ZNF433: variants seen among roughly 807,000 people sequenced by gnomAD.
ZNF433 encodes zinc finger protein 433.
In ZNF433, 12 loss-of-function variants were observed where a neutral mutation model predicts 10.6. The observed-to-expected ratio is 1.13, with a 90% confidence interval of 0.72 to 1.83. The LOEUF is 1.83. Among genes scored for constraint, ZNF433 ranks in the 40% most tolerant of loss-of-function variants. The pLI, the probability that ZNF433 is intolerant of heterozygous loss-of-function variation, is 0.00. For synonymous variants in ZNF433, 272 were observed against 271.3 expected (o/e 1.00, Z -0.02); for missense variants, 737 against 798.0 (o/e 0.92, Z 0.92).
In ZNF433 at chr19:12,016,350, C is replaced by G. The variant is rs1568330023; in HGVS notation, c.508G>C (p.Glu170Gln). 1 of 1,614,200 alleles carries G rather than the reference C, an allele frequency of 6.2e-7. No homozygotes were observed. Among genetic ancestry groups the G allele is most frequent in the South Asian group, 1.1e-5 (1 of 91,088 alleles). ...GAAATAAATGTTTTTCCGCATTCCT[C>G]ACAAACATAGAGTTTCCTTCCACTA... Reference protein sequence around the residue: ...AHSGRKLYVCEECGKTFISHS... With the variant: ...AHSGRKLYVCQECGKTFISHS... Residue 170 changes from glutamate to glutamine, a missense_variant, in exon 4 of 4, where the codon GAG becomes CAG. Glu to Gln is a conservative substitution (Grantham distance 29). Transcript: ENST00000550507.
In ZNF433 at chr19:12,016,250, G is replaced by C. The variant is rs544069425; in HGVS notation, c.608C>G (p.Ala203Gly). ...GPYKCKFCGK[A>G]LMFLSLYLIH... is the part of the protein sequence containing the mutation. ...AAGATACAAACTGAGAAACATCAAG[G>C]CTTTCCCACAAAATTTACACTTATA... is the stretch of plus-strand genomic sequence containing the variant. The change falls in exon 4 of 4, where the codon GCC becomes GGC. Residue 203 changes from alanine (A) to glycine (G), a missense_variant. Coordinates refer to ENST00000550507, the MANE Select transcript of ZNF433 (RefSeq NM_001308348.2). 11 of 1,614,146 alleles carry C rather than the reference G, an allele frequency of 6.8e-6. No individual in the cohort carries two copies. The Admixed American group carries it at 1.2e-4, about 17-fold the overall frequency.
chr19:12,028,582 C>CT lies in ZNF433; in HGVS notation c.3+6954dup, dbSNP rs1299996524. Among the ~76,000 whole-genome samples the CT allele has an allele frequency of 2.6e-5, 4 of 152,338 alleles. 1 individual carries two copies. The highest frequency in any genetic ancestry group is 9.6e-5 in the African/African-American group (4 of 41,580). ...GAGTGGAAACTCTGTGCAGAAATAA[C>CT]TATCAGTGCACATGGAAATACCAGC... On this transcript the variant is annotated intron_variant, in intron 1 of 3. Coordinates refer to ENST00000550507, the MANE Select transcript of ZNF433 (RefSeq NM_001308348.2).
chr19:12,025,375 C>T (rs1974685880), intron 1 of ZNF433: 1 of 152,232 alleles, frequency 6.6e-6, no homozygotes, highest in African/African-American at 2.4e-5. Context: ...CACACTAGGG[C>T]TCATACACCT....
intron 1 of ZNF433, among the ~76,000 whole-genome samples, chr19:12,020,473 AT>A (rs1379149508): frequency 1.1e-4 from 16 of 152,218 alleles, no homozygotes; most frequent in African/African-American, 3.9e-4. Flanking sequence ...AAATATAGCC[AT>A]TTATTAAAGT....
At position 12,016,171 on chromosome 19, in the gene ZNF433, A is replaced by G; in HGVS notation, c.687T>C (p.Gly229=). ...GEKPYQCKQC[G]KAFSHSSSLR... is the part of the protein sequence containing the mutation. ...GGCTACTAGAATGACTAAAGGCTTT[A>G]CCACACTGTTTACATTGATATGGTT... Residue 229 remains glycine, a synonymous_variant, in exon 4 of 4, where the codon GGT becomes GGC. Coordinates refer to ENST00000550507, the MANE Select transcript of ZNF433 (RefSeq NM_001308348.2). The G allele has an allele frequency of 1.2e-6, 2 of 1,613,950 alleles. No homozygotes were observed. Among genetic ancestry groups the G allele is most frequent in the Non-Finnish European group, 1.7e-6 (2 of 1,179,964 alleles).
At chr19:12,030,165 G>T in intron 1 of ZNF433, 2 of 447,600 alleles carry the variant, frequency 4.5e-6, no homozygotes, top group Non-Finnish European at 8.9e-6. Flanking sequence ...TCAGCACCTT[G>T]AACATGGACT....
chr19:12,031,270 T>C (rs1975003441), intron 1 of ZNF433, among the ~76,000 whole-genome samples: 1 of 143,992 alleles, frequency 6.9e-6, no homozygotes, highest in African/African-American at 2.6e-5. Flanking sequence ...CACTCCAGCT[T>C]GTTGATAGAG....
At chr19:12,021,999 A>C (rs1974519196) in intron 1 of ZNF433, 1 of 456,190 alleles carries the variant, frequency 2.2e-6, no homozygotes, top group Admixed American at 2.4e-5. Context: ...TGTGATAGAG[A>C]CTTAGGTGTT....
chr19:12,019,457 A>C (rs1344034836), intron 1 of ZNF433, among the ~76,000 whole-genome samples: 1 of 152,130 alleles, frequency 6.6e-6, no homozygotes, highest in Non-Finnish European at 1.5e-5. Context: ...ACCATCAACA[A>C]AGGGAAAAGG....
Position 12,015,907 on chromosome 19 carries a change from C to T in ZNF433, c.951G>A (p.Lys317=), listed in dbSNP as rs759779056. ...CATGTCTGCGAACAGAACTGGGACA[C>T]TTGAATGCTTTTCCACATTCCTTAC... ...YECKECGKAF[K]CPSSVRRHER... is the part of the protein sequence containing the mutation. The change falls in exon 4 of 4, where the codon AAG becomes AAA. Residue 317 remains lysine, a synonymous_variant. Coordinates refer to ENST00000550507, the MANE Select transcript of ZNF433 (RefSeq NM_001308348.2). 4 of 1,613,162 alleles carry T rather than the reference C, an allele frequency of 2.5e-6. No homozygotes were observed. Among genetic ancestry groups the T allele is most frequent in the Admixed American group, 3.3e-5 (2 of 59,936 alleles).
intron 1 of ZNF433, among the ~76,000 whole-genome samples, chr19:12,020,329 G>A (rs157187): frequency 0.068 from 10,295 of 151,992 alleles, 1,239 homozygotes; most frequent in African/African-American, 0.24. Context: ...GCAATACATA[G>A]AAATGACCAA....
intron 1 of ZNF433, among the ~76,000 whole-genome samples, chr19:12,028,825 G>A (rs1255437969): frequency 1.3e-5 from 2 of 152,128 alleles, no homozygotes; most frequent in Non-Finnish European, 2.9e-5. Flanking sequence ...CTGAGTAGAT[G>A]ATAATACAGG....
At chr19:12,018,843 C>T (rs186554722) in intron 1 of ZNF433, among the ~76,000 whole-genome samples, 1 of 151,824 alleles carries the variant, frequency 6.6e-6, no homozygotes, top group African/African-American at 2.4e-5. Context: ...CTCATGAGCT[C>T]ATGCCACTGC....
intron 1 of ZNF433, among the ~76,000 whole-genome samples, chr19:12,029,475 T>A (rs1479243487): frequency 2.4e-5 from 3 of 126,276 alleles, no homozygotes; most frequent in African/African-American, 9.3e-5. Flanking sequence ...TGAGCTGAGA[T>A]TGCACCACTG....
chr19:12,026,096 A>G (rs963762469), intron 1 of ZNF433: 1 of 153,278 alleles, frequency 6.5e-6, no homozygotes, highest in African/African-American at 2.4e-5. Context: ...CAAAGACAGA[A>G]GCAGAACAAC....
chr19:12,033,638 C>A (rs1037663472), intron 1 of ZNF433, among the ~76,000 whole-genome samples: 1 of 152,028 alleles, frequency 6.6e-6, no homozygotes, highest in Admixed American at 6.6e-5. Context: ...CTGGCTAACA[C>A]AGTGAAACCC....
Position 12,015,321 on chromosome 19 carries a change from T to G in ZNF433, c.1537A>C (p.Asn513His). 4 of 1,613,310 alleles carry G rather than the reference T, an allele frequency of 2.5e-6. No homozygotes were observed. Among genetic ancestry groups the G allele is most frequent in the Non-Finnish European group, 3.4e-6 (4 of 1,179,824 alleles). ...YECKQCGRSFNCSSSFRYHGR... is the reference protein window; with the variant it reads ...YECKQCGRSFHCSSSFRYHGR... ...TGATATCGAAAGGAGCTCGAACAGTTGAAGGATCTGCCACACTGCTTGCAT... is the reference window on the plus strand; with the variant it reads ...TGATATCGAAAGGAGCTCGAACAGTGGAAGGATCTGCCACACTGCTTGCAT... Residue 513 changes from asparagine (N) to histidine (H), a missense_variant, in exon 4 of 4, where the codon AAC becomes CAC. Transcript: ENST00000550507.
chr19:12,034,930 C>A, intron 1 of ZNF433: 1 of 453,990 alleles, frequency 2.2e-6, no homozygotes, highest in South Asian at 1.6e-5. Context: ...TTCAGGCCTC[C>A]TGGGGTTGTG....
chr19:12,015,082 A>C lies in ZNF433; in HGVS notation c.1776T>G (p.Cys592Trp). The C allele has an allele frequency of 6.2e-7, 1 of 1,614,044 alleles. No homozygotes were observed. Among genetic ancestry groups the C allele is most frequent in the Non-Finnish European group, 8.5e-7 (1 of 1,179,968 alleles). The change falls in exon 4 of 4, where the codon TGT becomes TGG. Residue 592 changes from cysteine to tryptophan, a missense_variant. By Grantham distance (215) the Cys-to-Trp change is radical (BLOSUM62 -2). Coordinates refer to ENST00000550507, the MANE Select transcript of ZNF433 (RefSeq NM_001308348.2). ...TGEKPYECKQ[C>W]GKSFGCASRL... ...GCGAGGCACATCCAAAAGACTTCCC[A>C]CACTGCTTACATTCATAGGGTTTCT...
Sources: gnomAD v4.1 joint callset for allele counts (sites outside exome capture counted in the v4.1 genomes callset) on GRCh38, gnomAD v4.1.1 for gene constraint, MANE v1.5 for transcripts, NCBI Gene and HGNC (gene_info 2026-07-23, HGNC 2026-07-21) for gene names.